ANKFN1: variants seen among roughly 807,000 people sequenced by gnomAD.
ANKFN1 encodes the protein ankyrin repeat and fibronectin type-III domain-containing protein 1.
In ANKFN1, 74 loss-of-function variants were observed where a neutral mutation model predicts 108.7. That is an observed-to-expected ratio of 0.68 (90% CI 0.56 to 0.83). The LOEUF (loss-of-function observed/expected upper bound fraction) is 0.83. ANKFN1 is among the 40% of genes least tolerant of loss of function. ANKFN1 has a pLI of 0.00. For missense variants in ANKFN1, 1,505 were observed against 1,382.3 expected, an observed-to-expected ratio of 1.09 and a Z score of -1.41; for synonymous variants, 547 against 516.2, an observed-to-expected ratio of 1.06 and a Z score of -0.81.
intron 4 of ANKFN1, among the ~76,000 whole-genome samples, chr17:56,122,091 G>A (rs1906659939): frequency 6.6e-6 from 1 of 152,176 alleles, no homozygotes; most frequent in South Asian, 2.1e-4. Context: ...CTTGGCATAG[G>A]AGGAACCTAC....
chr17:56,307,671 G>T (rs1236865652), intron 3 of ANKFN1, among the ~76,000 whole-genome samples: 1 of 152,180 alleles, frequency 6.6e-6, no homozygotes, highest in African/African-American at 2.4e-5. Flanking sequence ...TCAGTGTGGC[G>T]ATTCCTCGGG....
intron 4 of ANKFN1, among the ~76,000 whole-genome samples, chr17:56,085,180 CATATAT>C (rs10572105): frequency 0.11 from 14,536 of 137,404 alleles, 1,280 homozygotes; most frequent in African/African-American, 0.18. Context: ...CCCTCCAAAG[CATATAT>C]ATATATATAT....
chr17:56,467,792 A>AG lies in ANKFN1; in HGVS notation c.1773+1221_1773+1222insG, dbSNP rs1326231862. ...GAAAGAAAGAAAGAAAGAAAGAAAG[A>AG]AGAAAGAAAGAAAGAAAGAAAGAAA... On this transcript the variant is annotated intron_variant, in intron 15 of 20. Transcript: ENST00000682825. Among the ~76,000 whole-genome samples, 139 of 15,506 alleles carry AG rather than the reference A, an allele frequency of 9.0e-3. 4 individuals are homozygous for AG. The highest frequency in any genetic ancestry group is 0.036 in the East Asian group (2 of 56). 10.2% of individuals were successfully genotyped at this position (15,506 alleles called of 152,430 possible).
chr17:56,420,551 G>C (rs569840563), intron 8 of ANKFN1, among the ~76,000 whole-genome samples: 1 of 152,206 alleles, frequency 6.6e-6, no homozygotes, highest in East Asian at 1.9e-4. Context: ...AGGTAATTGT[G>C]CATAACCCTG....
intron 4 of ANKFN1, among the ~76,000 whole-genome samples, chr17:56,130,768 T>C (rs1463349562): frequency 3.9e-5 from 6 of 151,988 alleles, no homozygotes; most frequent in Non-Finnish European, 7.4e-5. Context: ...AGCCTGAGAG[T>C]GTATTCAGGC....
chr17:56,479,914 C>G (rs1568036425), intron 16 of ANKFN1, among the ~76,000 whole-genome samples: 1 of 152,168 alleles, frequency 6.6e-6, no homozygotes, highest in South Asian at 2.1e-4. Context: ...ACAATGTTGC[C>G]CAAGAGGCAT....
chr17:56,053,869 A>T (rs116500831), intron 4 of ANKFN1, among the ~76,000 whole-genome samples: 1,883 of 152,204 alleles, frequency 0.012, 37 homozygotes, highest in African/African-American at 0.042. Flanking sequence ...GGTATTTTTT[A>T]AAAAAATTAT....
chr17:56,171,262 A>T (rs1315370321), intron 1 of ANKFN1, among the ~76,000 whole-genome samples: 18 of 152,112 alleles, frequency 1.2e-4, no homozygotes, highest in Admixed American at 1.2e-3. Context: ...GAAGTGAGGG[A>T]CTAGTGCTGG....
intron 1 of ANKFN1, among the ~76,000 whole-genome samples, chr17:56,162,637 T>C (rs1225112772): frequency 6.6e-6 from 1 of 152,168 alleles, no homozygotes; most frequent in Non-Finnish European, 1.5e-5. Context: ...ACATATGGAT[T>C]TGGGTGAGGG....
In ANKFN1 at chr17:56,512,876, AT is replaced by A. The variant is rs35037375; in HGVS notation, c.*1614del. On this transcript the variant is annotated 3_prime_UTR_variant, in exon 21 of 21. Transcript: ENST00000682825. ...AACTAAAGCCCAGAGCTCAGACTTTATTTTTTTAAGAGATTTTATACTCAAT... is the reference window on the plus strand; with the variant it reads ...AACTAAAGCCCAGAGCTCAGACTTTATTTTTTAAGAGATTTTATACTCAAT... Among the ~76,000 whole-genome samples, 3 of 152,178 alleles carry A rather than the reference AT, an allele frequency of 2.0e-5. No individual in the cohort carries two copies. The highest frequency in any genetic ancestry group is 4.8e-5 in the African/African-American group (2 of 41,448).
intron 8 of ANKFN1, among the ~76,000 whole-genome samples, chr17:56,422,477 A>G (rs1356369204): frequency 6.6e-6 from 1 of 150,900 alleles, no homozygotes; most frequent in Non-Finnish European, 1.5e-5. Flanking sequence ...ACACGCACGC[A>G]TGCACACACG....
Position 56,279,288 on chromosome 17 carries a change from A to G in ANKFN1, c.54-46933A>G, listed in dbSNP as rs530629646. Among the ~76,000 whole-genome samples the G allele has an allele frequency of 3.9e-5, 6 of 152,352 alleles. No homozygotes were observed. In the South Asian group the frequency reaches 1.2e-3, roughly 32 times the overall value. On this transcript the variant is annotated intron_variant, in intron 3 of 20. Transcript: ENST00000682825. ...TCTAAACAGAAAGAAGTGGAATCCCACAGAGAGAAATAATAAATGTTCATG... is the reference window on the plus strand; with the variant it reads ...TCTAAACAGAAAGAAGTGGAATCCCGCAGAGAGAAATAATAAATGTTCATG...
At chr17:56,220,978 A>G (rs941623129) in intron 2 of ANKFN1, among the ~76,000 whole-genome samples, 1 of 152,044 alleles carries the variant, frequency 6.6e-6, no homozygotes, top group Admixed American at 6.6e-5. Context: ...TAAAGAAAAG[A>G]GGTTTAATTG....
At chr17:56,484,646 A>G in intron 18 of ANKFN1, among the ~76,000 whole-genome samples, 1 of 152,248 alleles carries the variant, frequency 6.6e-6, no homozygotes, top group East Asian at 1.9e-4. Context: ...GCAGGAGAGA[A>G]ATTGGATACT....
chr17:56,100,293 G>T (rs1289612974), intron 4 of ANKFN1, among the ~76,000 whole-genome samples: 1 of 152,156 alleles, frequency 6.6e-6, no homozygotes, highest in East Asian at 1.9e-4. Context: ...GAGCCTGCTG[G>T]AGCTCCTAGG....
At chr17:56,069,777 A>C (rs1025129177) in intron 4 of ANKFN1, among the ~76,000 whole-genome samples, 1 of 152,218 alleles carries the variant, frequency 6.6e-6, no homozygotes, top group African/African-American at 2.4e-5. Flanking sequence ...CAGTAAAGTG[A>C]AAGCAAGTTT....
At chr17:56,183,440 G>C (rs558558010) in intron 1 of ANKFN1, among the ~76,000 whole-genome samples, 14 of 152,278 alleles carry the variant, frequency 9.2e-5, no homozygotes, top group African/African-American at 2.9e-4. Context: ...AGCTTAGTGG[G>C]AGGTGATTGG....
At chr17:56,350,394 A>G (rs919340870) in intron 4 of ANKFN1, among the ~76,000 whole-genome samples, 1 of 152,150 alleles carries the variant, frequency 6.6e-6, no homozygotes, top group African/African-American at 2.4e-5. Flanking sequence ...ATATATACCC[A>G]AGAGGAATTG....
rs150218476 is a variant in ANKFN1 at position 56,095,293 on chromosome 17, C to CTTT, written c.288+48980_288+48982dup. ...ACCCAGCTGCTTGTTGAATGCTTTA[C>CTTT]TTTTTTTTTTTTTTCTGATACGTGG... On this transcript the variant is annotated intron_variant, in intron 4 of 12. Transcript: ENST00000635860. 7.0e-3 allele frequency among the ~76,000 whole-genome samples: 975 copies of CTTT among 138,838 alleles called. 22 individuals carry two copies. Among genetic ancestry groups the CTTT allele is most frequent in the African/African-American group, 0.026 (935 of 36,598 alleles). The allele number at this position is 138,838 out of a possible 152,430, so 91.1% of individuals were successfully genotyped here. A position where few individuals can be genotyped will look rare whatever the true frequency, so the allele number is the denominator to read the frequency against.
Sources: gnomAD v4.1 joint callset for allele counts (sites outside exome capture counted in the v4.1 genomes callset) on GRCh38, gnomAD v4.1.1 for gene constraint, MANE v1.5 for transcripts, NCBI Gene and HGNC (gene_info 2026-07-23, HGNC 2026-07-21) for gene names.